Variants in DEK observed in about 807,000 individuals in gnomAD.
DEK encodes DEK proto-oncogene, also known as protein DEK.
Under a neutral mutation model 46.8 loss-of-function variants are expected in DEK, and 28 were observed. The observed-to-expected ratio is 0.60, with a 90% confidence interval of 0.44 to 0.82. The LOEUF (loss-of-function observed/expected upper bound fraction) is 0.82, where lower values mean the gene tolerates loss of function less well. Among genes scored for constraint, DEK ranks in the 40% least tolerant of loss-of-function variants. The pLI is 0.00. For synonymous variants in DEK, 160 were observed against 144.5 expected, an observed-to-expected ratio of 1.11 and a Z score of -0.77; for missense variants, 416 against 430.6, an observed-to-expected ratio of 0.97 and a Z score of 0.30.
intron 6 of DEK, among the ~76,000 whole-genome samples, chr6:18,254,854 A>T (rs377348057): frequency 6.6e-6 from 1 of 152,242 alleles, no homozygotes; most frequent in Non-Finnish European, 1.5e-5. Context: ...TTGTAGTTGT[A>T]TAACAAAAGT....
At chr6:18,238,555 GGT>G (rs1790765556) in intron 7 of DEK, among the ~76,000 whole-genome samples, 1 of 151,840 alleles carries the variant, frequency 6.6e-6, no homozygotes, top group East Asian at 2.0e-4. Context: ...AAATTAGCTG[GGT>G]GTGGTGGTGG....
chr6:18,247,862 G>A (rs1283268938), intron 7 of DEK, among the ~76,000 whole-genome samples: 2 of 152,038 alleles, frequency 1.3e-5, no homozygotes, highest in African/African-American at 4.8e-5. Flanking sequence ...AGTAGAGGCA[G>A]GGTTTCACCA....
At chr6:18,244,475 A>C (rs1485129275) in intron 7 of DEK, 1 of 1,183,886 alleles carries the variant, frequency 8.4e-7, no homozygotes, top group African/African-American at 1.6e-5. Context: ...TTTTGAAGGA[A>C]GGCAAAAAAA....
At chr6:18,238,561 G>C (rs1446847306) in intron 7 of DEK, among the ~76,000 whole-genome samples, 1 of 151,766 alleles carries the variant, frequency 6.6e-6, no homozygotes, top group East Asian at 2.0e-4. Flanking sequence ...GCTGGGTGTG[G>C]TGGTGGGCAC....
chr6:18,245,577 G>A lies in DEK; in HGVS notation c.762+4074C>T, dbSNP rs554731204. 2.0e-5 allele frequency among the ~76,000 whole-genome samples: 3 copies of A among 151,350 alleles called. No individual in the cohort carries two copies. In the East Asian group the frequency reaches 5.8e-4, roughly 29 times the overall value. On this transcript the variant is annotated intron_variant, in intron 7 of 10. Transcript: ENST00000652689. ...ATAAAAATTGAAGACAGAGGTATTAGGATAAGATGAAAAAGAAATAAAATA... is the reference window on the plus strand; with the variant it reads ...ATAAAAATTGAAGACAGAGGTATTAAGATAAGATGAAAAAGAAATAAAATA...
chr6:18,233,750 G>C (rs1041673178), intron 9 of DEK, among the ~76,000 whole-genome samples: 2 of 76,842 alleles, frequency 2.6e-5, no homozygotes, highest in Non-Finnish European at 5.0e-5. Flanking sequence ...CTGCTGGTGG[G>C]ACTTTAACTA....
intron 10 of DEK, 137 bp downstream of exon 10, chr6:18,226,037 A>G (rs1790109883): frequency 1.1e-5 from 10 of 875,560 alleles, no homozygotes; most frequent in Admixed American, 4.0e-5. Flanking sequence ...GAAGAAATAA[A>G]TTTCCCTATT....
chr6:18,252,467 C>G (rs1388033135), intron 6 of DEK, among the ~76,000 whole-genome samples: 2 of 130,362 alleles, frequency 1.5e-5, no homozygotes, highest in Non-Finnish European at 3.1e-5. Context: ...CATGATTGTA[C>G]CACAACACTC....
At chr6:18,237,167 C>G in intron 8 of DEK, 5 of 409,152 alleles carry the variant, frequency 1.2e-5, no homozygotes, top group East Asian at 4.1e-5. Flanking sequence ...CAAGATATCT[C>G]TCTCTCTGTC....
rs142827619 is a variant in DEK at position 18,249,432 on chromosome 6, A to T, written c.762+219T>A. ...CCAGCTCAAGGCCCACTTCAAATCC[A>T]GTCCACACCAACCTCACTCTTTTCT... On this transcript the variant is annotated intron_variant, in intron 7 of 10. Coordinates refer to ENST00000652689, the MANE Select transcript of DEK (RefSeq NM_003472.4). 4.7e-4 allele frequency among the ~76,000 whole-genome samples: 72 copies of T among 152,300 alleles called. 2 individuals carry two copies. In the East Asian group the frequency reaches 0.014, roughly 29 times the overall value.
intron 9 of DEK, among the ~76,000 whole-genome samples, chr6:18,229,092 T>C (rs1252068402): frequency 6.6e-6 from 1 of 152,242 alleles, no homozygotes; most frequent in African/African-American, 2.4e-5. Context: ...TTTGCTGTTC[T>C]GCAGCCTCCA....
intron 6 of DEK, among the ~76,000 whole-genome samples, chr6:18,250,336 G>A (rs1791312275): frequency 6.6e-6 from 1 of 152,002 alleles, no homozygotes; most frequent in African/African-American, 2.4e-5. Context: ...GGGCGTGGTG[G>A]CGGGCGCCTG....
intron 7 of DEK, among the ~76,000 whole-genome samples, chr6:18,242,289 G>A (rs1790922606): frequency 6.6e-6 from 1 of 152,338 alleles, no homozygotes; most frequent in South Asian, 2.1e-4. Context: ...CTGAACCTGG[G>A]AGGTGGAGGT....
At chr6:18,251,849 G>A (rs1470569252) in intron 6 of DEK, among the ~76,000 whole-genome samples, 1 of 152,038 alleles carries the variant, frequency 6.6e-6, no homozygotes, top group Non-Finnish European at 1.5e-5. Flanking sequence ...TTATTAGTAT[G>A]AGGACTGAAA....
At chr6:18,253,189 T>C (rs1437595409) in intron 6 of DEK, among the ~76,000 whole-genome samples, 2 of 151,730 alleles carry the variant, frequency 1.3e-5, no homozygotes, top group South Asian at 2.1e-4. Context: ...AAGCTTCACC[T>C]CCCAGAGAAC....
chr6:18,240,524 A>G (rs983500434), intron 7 of DEK, among the ~76,000 whole-genome samples: 1 of 152,250 alleles, frequency 6.6e-6, no homozygotes, highest in Non-Finnish European at 1.5e-5. Context: ...ACATTAACAG[A>G]TGAAAAGTAT....
chr6:18,241,049 CTCT>C (rs1274181304), intron 7 of DEK, among the ~76,000 whole-genome samples: 1 of 152,168 alleles, frequency 6.6e-6, no homozygotes, highest in Admixed American at 6.5e-5. Context: ...TTGGTAAAGT[CTCT>C]TTTTTAGATT....
intron 2 of DEK, among the ~76,000 whole-genome samples, chr6:18,262,771 T>A (rs1441968192): frequency 1.3e-5 from 2 of 152,218 alleles, no homozygotes; most frequent in African/African-American, 4.8e-5. Context: ...AAAATAATTT[T>A]AAAATAACAT....
chr6:18,245,616 T>A (rs1345943598), intron 7 of DEK, among the ~76,000 whole-genome samples: 1 of 152,124 alleles, frequency 6.6e-6, no homozygotes, highest in Non-Finnish European at 1.5e-5. Flanking sequence ...TTTTAAAGAG[T>A]CTAAAAGACT....
Sources: gnomAD v4.1 joint callset for allele counts (sites outside exome capture counted in the v4.1 genomes callset) on GRCh38, gnomAD v4.1.1 for gene constraint, MANE v1.5 for transcripts, NCBI Gene and HGNC (gene_info 2026-07-23, HGNC 2026-07-21) for gene names.